Variants in PACSIN2 observed in about 807,000 individuals in gnomAD.
The protein encoded by PACSIN2 is protein kinase C and casein kinase substrate in neurons protein 2.
PACSIN2 carries 25 observed loss-of-function variants against 63.8 expected under a neutral mutation model. The observed-to-expected ratio is 0.39, with a 90% CI of 0.29 to 0.55. The LOEUF (loss-of-function observed/expected upper bound fraction) is 0.55, where lower values mean the gene tolerates loss of function less well. PACSIN2 is among the 20% of genes least tolerant of loss of function. The probability of loss-of-function intolerance (pLI) is 0.62; values close to 1 mark genes in which losing one functional copy is unlikely to be tolerated. For synonymous variants in PACSIN2, 255 were observed against 256.2 expected (o/e 1.00, Z 0.05); for missense variants, 518 against 646.9 (o/e 0.80, Z 2.16).
chr22:42,904,517 G>C (rs1930927877), intron 2 of PACSIN2, among the ~76,000 whole-genome samples: 1 of 152,206 alleles, frequency 6.6e-6, no homozygotes, highest in Admixed American at 6.5e-5. Flanking sequence ...CTGAAGACCT[G>C]AGGCTTTTGG....
chr22:42,879,518 C>T (rs1051707550), intron 7 of PACSIN2, among the ~76,000 whole-genome samples: 5 of 152,212 alleles, frequency 3.3e-5, no homozygotes, highest in African/African-American at 7.2e-5. Context: ...CCTGACCCCA[C>T]CCACCAAGGT....
intron 3 of PACSIN2, among the ~76,000 whole-genome samples, chr22:42,891,653 G>A (rs375688127): frequency 6.6e-6 from 1 of 152,074 alleles, no homozygotes; most frequent in East Asian, 1.9e-4. Flanking sequence ...TGATCCATTC[G>A]CCTCGGCCTC....
rs1922688361 is a variant in PACSIN2, at chr22:42,987,363, A to AC, written c.-78+27657dup. Among the ~76,000 whole-genome samples, 8 of 150,744 alleles carry AC rather than the reference A, an allele frequency of 5.3e-5. No homozygotes were observed. The South Asian group carries it at 1.7e-3, about 32-fold the overall frequency. ...ATCTCCAGCCCCTAGATAAGATGAC[A>AC]CCCCTACACGCAGGTGGCTCTGCCC... is the stretch of plus-strand genomic sequence containing the variant. On this transcript the variant is annotated intron_variant, in intron 1 of 10. Coordinates refer to ENST00000263246, the MANE Select transcript of PACSIN2 (RefSeq NM_001184970.3).
At chr22:42,899,925 A>G (rs1223516082) in intron 2 of PACSIN2, among the ~76,000 whole-genome samples, 1 of 152,232 alleles carries the variant, frequency 6.6e-6, no homozygotes, top group African/African-American at 2.4e-5. Flanking sequence ...AGCAGATGCT[A>G]ACAAAAGCTG....
At chr22:42,961,019 T>C (rs547839997) in intron 1 of PACSIN2, among the ~76,000 whole-genome samples, 155 of 152,284 alleles carry the variant, frequency 1.0e-3, no homozygotes, top group African/African-American at 3.6e-3. Context: ...CCATTCCCCT[T>C]GGCAAGCCAG....
chr22:42,888,846 A>T, intron 4 of PACSIN2, 48 bp from the exon 5 acceptor site: 1 of 1,594,104 alleles, frequency 6.3e-7, no homozygotes, highest in Non-Finnish European at 8.6e-7. Flanking sequence ...GGAGTTCAGG[A>T]TCCTCACTAG....
chr22:42,929,182 T>C (rs907532335), intron 1 of PACSIN2, among the ~76,000 whole-genome samples: 1 of 152,220 alleles, frequency 6.6e-6, no homozygotes, highest in African/African-American at 2.4e-5. Flanking sequence ...CTTGAGCTCA[T>C]TATCAGGGTC....
At chr22:42,985,388 A>C (rs975432213) in intron 1 of PACSIN2, among the ~76,000 whole-genome samples, 6 of 152,188 alleles carry the variant, frequency 3.9e-5, no homozygotes, top group African/African-American at 1.4e-4. Flanking sequence ...GTCTCCCACA[A>C]GCCATTCCTG....
chr22:42,912,280 T>C (rs1931512874), intron 1 of PACSIN2, 123 bp from the exon 2 acceptor site: 1 of 524,116 alleles, frequency 1.9e-6, no homozygotes, highest in South Asian at 2.7e-5. Flanking sequence ...TCTATAATAT[T>C]TCCTTTAGGT....
chr22:42,878,949 C>T, intron 8 of PACSIN2, 99 bp downstream of exon 8: 1 of 1,381,544 alleles, frequency 7.2e-7, no homozygotes, highest in South Asian at 1.5e-5. Flanking sequence ...GCCCAGGAAC[C>T]TCCCAGGTGT....
chr22:43,006,334 T>C (rs1023547208), intron 1 of PACSIN2, among the ~76,000 whole-genome samples: 12 of 152,244 alleles, frequency 7.9e-5, no homozygotes, highest in African/African-American at 2.9e-4. Flanking sequence ...TTTGGAGACA[T>C]TGAAACATTT....
chr22:42,935,048 T>C lies in PACSIN2; in HGVS notation c.-77-22891A>G, dbSNP rs182581478. 2.4e-4 allele frequency among the ~76,000 whole-genome samples: 37 copies of C among 151,916 alleles called. No homozygotes were observed. The East Asian group carries it at 6.4e-3, about 26-fold the overall frequency. ...CTCCTGCCTCAGCCTCCTGAGTAGC[T>C]AGGACTACAGGTGCCCGCCACCGCG... On this transcript the variant is annotated intron_variant, in intron 1 of 10. Transcript: ENST00000263246.
At position 42,876,145 on chromosome 22, in the gene PACSIN2, A is replaced by C; in HGVS notation, c.1340T>G (p.Phe447Cys). The C allele has an allele frequency of 6.2e-7, 1 of 1,610,488 alleles. No homozygotes were observed. Among genetic ancestry groups the C allele is most frequent in the Non-Finnish European group, 8.5e-7 (1 of 1,176,852 alleles). Residue 447 changes from phenylalanine to cysteine, a missense_variant, in exon 10 of 11, where the codon TTC becomes TGC. By Grantham distance (205) the Phe-to-Cys change is radical. Around this residue, in one of 2 missense-constraint regions of PACSIN2, gnomAD observed 507 missense variants for 612.3 expected, o/e 0.83. Coordinates refer to ENST00000263246, the MANE Select transcript of PACSIN2 (RefSeq NM_001184970.3). The stretch of plus-strand genomic sequence containing the variant: ...TGGGGGAGCCCACCTACCAGCCTTG[A>C]AGCTCAGCTCATCATGCTCCTGCCC... ...YEGQEHDELS[F>C]KAGDELTKME... is the part of the protein sequence containing the mutation.
chr22:42,984,526 G>A (rs1406073800), intron 1 of PACSIN2, among the ~76,000 whole-genome samples: 1 of 152,092 alleles, frequency 6.6e-6, no homozygotes, highest in East Asian at 1.9e-4. Context: ...AAACCCACAT[G>A]GCCAGGAGAA....
chr22:42,982,877 A>AAAAAACAAAAC (rs1569350230), intron 1 of PACSIN2, among the ~76,000 whole-genome samples: 5 of 129,588 alleles, frequency 3.9e-5, no homozygotes, highest in African/African-American at 1.5e-4. Flanking sequence ...AATAAAAAAA[A>AAAAAACAAAAC]AAAAAAAAAA....
rs759532303 is a variant in PACSIN2, at chr22:42,982,888, A to AAAAAAAAAAAAC, written c.-78+32132_-78+32133insGTTTTTTTTTTT. Among the ~76,000 whole-genome samples, 335 of 104,786 alleles carry AAAAAAAAAAAAC rather than the reference A, an allele frequency of 3.2e-3. 5 individuals carry two copies. Among genetic ancestry groups the AAAAAAAAAAAAC allele is most frequent in the Middle Eastern group, 5.0e-3 (1 of 202 alleles). The allele number at this position is 104,786 out of a possible 152,430, so 68.7% of individuals were successfully genotyped here. On this transcript the variant is annotated intron_variant, in intron 1 of 10. Transcript: ENST00000263246. Reference sequence around the variant, plus strand: ...GATCAATAAAAAAAAAAAAAAAAAAAAACAACAACAAGGCTAGGAGCAGTG... The same window carrying AAAAAAAAAAAAC: ...GATCAATAAAAAAAAAAAAAAAAAAAAAAAAAAAAAACAACAACAACAAGGCTAGGAGCAGTG...
chr22:42,998,253 G>A (rs1601616495), intron 1 of PACSIN2, among the ~76,000 whole-genome samples: 2 of 152,222 alleles, frequency 1.3e-5, no homozygotes, highest in South Asian at 2.1e-4. Flanking sequence ...ATTCCTTCAG[G>A]GACCGTGAAT....
chr22:42,921,585 A>T (rs1376360448), intron 1 of PACSIN2, among the ~76,000 whole-genome samples: 1 of 152,154 alleles, frequency 6.6e-6, no homozygotes, highest in African/African-American at 2.4e-5. Flanking sequence ...CAAATACTTG[A>T]GGGAACAAGA....
intron 1 of PACSIN2, among the ~76,000 whole-genome samples, chr22:42,962,602 T>G (rs1920926043): frequency 6.7e-6 from 1 of 148,886 alleles, no homozygotes; most frequent in Non-Finnish European, 1.5e-5. Flanking sequence ...GGGTAGGGGG[T>G]GAGGGCCACA....
Sources: allele counts gnomAD v4.1 joint callset (sites outside exome capture counted in the v4.1 genomes callset), GRCh38; gene constraint gnomAD v4.1.1; regional missense constraint gnomAD v4.1.1; transcripts MANE v1.5; gene names NCBI Gene and HGNC (gene_info 2026-07-23, HGNC 2026-07-21).